Variants in BRINP3 observed in about 807,000 individuals in gnomAD.
The protein encoded by BRINP3 is BMP/retinoic acid-inducible neural-specific protein 3.
BRINP3 carries 19 observed loss-of-function variants against 71.0 expected under a neutral mutation model. That is an observed-to-expected ratio of 0.27 (90% CI 0.19 to 0.39). The LOEUF is 0.39. Among genes scored for constraint, BRINP3 ranks in the 10% least tolerant of loss-of-function variants. BRINP3 has a pLI of 1.00. For missense variants in BRINP3, 959 were observed against 940.8 expected, an observed-to-expected ratio of 1.02 and a Z score of -0.25; for synonymous variants, 380 against 337.7, an observed-to-expected ratio of 1.13 and a Z score of -1.37.
intron 2 of BRINP3, among the ~76,000 whole-genome samples, chr1:190,453,201 GTATTTTTTTTTTTTTTTTTTT>G (rs1311033632): frequency 2.6e-5 from 1 of 37,856 alleles, no homozygotes; most frequent in Non-Finnish European, 6.1e-5. Flanking sequence ...AAAAACTTTA[GTATTTTTTTTTTTTTTTTTTT>G]TTTTTTTTTT....
intron 2 of BRINP3, among the ~76,000 whole-genome samples, chr1:190,387,042 A>G (rs1670956871): frequency 6.6e-6 from 1 of 151,972 alleles, no homozygotes; most frequent in Non-Finnish European, 1.5e-5. Context: ...AGAGGTTTCT[A>G]ATCTTCATCT....
chr1:190,394,118 C>T (rs559591790), intron 2 of BRINP3, among the ~76,000 whole-genome samples: 4 of 151,416 alleles, frequency 2.6e-5, no homozygotes, highest in Admixed American at 1.3e-4. Flanking sequence ...AATTGTTCAT[C>T]TTAATTAGTA....
intron 2 of BRINP3, among the ~76,000 whole-genome samples, chr1:190,410,064 C>T (rs1672564925): frequency 6.6e-6 from 1 of 151,480 alleles, no homozygotes; most frequent in African/African-American, 2.4e-5. Context: ...TTACTTCTTT[C>T]TTTATTTATC....
At chr1:190,203,791 ATATATATATATATATATAT>A (rs1655242767) in intron 6 of BRINP3, among the ~76,000 whole-genome samples, 1 of 106,892 alleles carries the variant, frequency 9.4e-6, no homozygotes, top group Non-Finnish European at 1.9e-5. Context: ...ATATATATAT[ATATATATATATATATATAT>A]ATATAAATGA....
intron 2 of BRINP3, among the ~76,000 whole-genome samples, chr1:190,336,529 G>A (rs1324253361): frequency 7.9e-5 from 12 of 152,002 alleles, no homozygotes; most frequent in African/African-American, 2.2e-4. Context: ...TCAAGAAAAC[G>A]TAAATCTTAT....
chr1:190,459,973 T>G (rs989200895), intron 1 of BRINP3, among the ~76,000 whole-genome samples: 1 of 151,950 alleles, frequency 6.6e-6, no homozygotes, highest in Non-Finnish European at 1.5e-5. Flanking sequence ...TCTCATAAAT[T>G]TTTAAGTATT....
chr1:190,427,086 A>G (rs1308659305), intron 2 of BRINP3, among the ~76,000 whole-genome samples: 1 of 151,896 alleles, frequency 6.6e-6, no homozygotes, highest in Admixed American at 6.6e-5. Flanking sequence ...GACATCAAAG[A>G]CTTTGTGTAT....
intron 2 of BRINP3, among the ~76,000 whole-genome samples, chr1:190,329,622 T>C (rs1372031390): frequency 2.0e-5 from 3 of 151,804 alleles, no homozygotes. Flanking sequence ...ACCAATATTA[T>C]TTTTTTCACA....
intron 3 of BRINP3, among the ~76,000 whole-genome samples, chr1:190,277,645 T>C (rs1190107164): frequency 6.6e-6 from 1 of 151,768 alleles, no homozygotes; most frequent in South Asian, 2.1e-4. Flanking sequence ...TTTTGTCATA[T>C]TCACTTATAT....
At chr1:190,202,294 G>A (rs930593806) in intron 6 of BRINP3, among the ~76,000 whole-genome samples, 1 of 152,060 alleles carries the variant, frequency 6.6e-6, no homozygotes, top group African/African-American at 2.4e-5. Flanking sequence ...GTTTTGGCCA[G>A]TTTCTCCCAT....
In BRINP3 at chr1:190,098,949, C is replaced by A. The variant is rs201165374; in HGVS notation, c.1370G>T (p.Arg457Leu). The A allele has an allele frequency of 1.9e-6, 3 of 1,614,116 alleles. No individual in the cohort carries two copies. In the South Asian group the frequency reaches 3.3e-5, roughly 18 times the overall value. ...SACLTCAPDN[R>L]TRCGTCNTGY... Reference sequence around the variant, plus strand: ...GGTGTTGCAGGTGCCGCAGCGGGTGCGGTTGTCTGGTGCGCATGTCAGGCA... The same window carrying A: ...GGTGTTGCAGGTGCCGCAGCGGGTGAGGTTGTCTGGTGCGCATGTCAGGCA... The change falls in exon 8 of 8, where the codon CGC becomes CTC. Residue 457 changes from arginine (R) to leucine (L), a missense_variant. Coordinates refer to ENST00000367462, the MANE Select transcript of BRINP3 (RefSeq NM_199051.3).
intron 6 of BRINP3, among the ~76,000 whole-genome samples, chr1:190,206,998 T>TG (rs1464811133): frequency 6.7e-6 from 1 of 149,756 alleles, no homozygotes; most frequent in Non-Finnish European, 1.5e-5. Flanking sequence ...GTTTTTTTGT[T>TG]TTTTTTTTTC....
At chr1:190,144,741 C>T (rs1219687493) in intron 7 of BRINP3, among the ~76,000 whole-genome samples, 1 of 152,036 alleles carries the variant, frequency 6.6e-6, no homozygotes, top group Non-Finnish European at 1.5e-5. Flanking sequence ...TATCACTTTT[C>T]CCAATGATCT....
intron 3 of BRINP3, among the ~76,000 whole-genome samples, chr1:190,280,750 T>A (rs1662971661): frequency 6.6e-6 from 1 of 151,962 alleles, no homozygotes; most frequent in Non-Finnish European, 1.5e-5. Flanking sequence ...TTCAATTTTA[T>A]ACAGTGTTCT....
At position 190,153,530 on chromosome 1, in the gene BRINP3, A is replaced by T. The variant is rs528512173; in HGVS notation, c.1184+7138T>A. The stretch of plus-strand genomic sequence containing the variant: ...AGTATGTGCTTGTGAGTCATCCTGG[A>T]GTGCCTGAAACTAGAAAAATAAAAT... On this transcript the variant is annotated intron_variant, in intron 7 of 7. Coordinates refer to ENST00000367462, the MANE Select transcript of BRINP3 (RefSeq NM_199051.3). 8.5e-5 allele frequency among the ~76,000 whole-genome samples: 13 copies of T among 152,260 alleles called. No homozygotes were observed. In the East Asian group the frequency reaches 2.3e-3, roughly 27 times the overall value.
intron 7 of BRINP3, among the ~76,000 whole-genome samples, chr1:190,141,445 C>T (rs550379729): frequency 1.3e-5 from 2 of 151,914 alleles, no homozygotes; most frequent in Non-Finnish European, 2.9e-5. Context: ...GGGCTCAATT[C>T]CAGAATTAAC....
chr1:190,109,722 T>C (rs1046041602), intron 7 of BRINP3, among the ~76,000 whole-genome samples: 20 of 152,216 alleles, frequency 1.3e-4, no homozygotes, highest in African/African-American at 4.1e-4. Context: ...TCATTCATAC[T>C]CTCTTCTGGA....
chr1:190,209,452 G>A (rs1277935448), intron 6 of BRINP3, among the ~76,000 whole-genome samples: 1 of 152,056 alleles, frequency 6.6e-6, no homozygotes, highest in East Asian at 1.9e-4. Flanking sequence ...TCTAGACAGT[G>A]ATACATACAG....
At chr1:190,162,132 G>T (rs531808541) in intron 6 of BRINP3, among the ~76,000 whole-genome samples, 8 of 151,830 alleles carry the variant, frequency 5.3e-5, no homozygotes, top group African/African-American at 1.9e-4. Flanking sequence ...CATTTTATAG[G>T]GCGTATCTGT....
Sources: gnomAD v4.1 joint callset for allele counts (sites outside exome capture counted in the v4.1 genomes callset) on GRCh38, gnomAD v4.1.1 for gene constraint, MANE v1.5 for transcripts, NCBI Gene and HGNC (gene_info 2026-07-23, HGNC 2026-07-21) for gene names.